CPHXL2: variants seen among roughly 807,000 people sequenced by gnomAD.
The protein encoded by CPHXL2 is cytoplasmic polyadenylated homeobox like 2.
the CPHXL2 span, among the ~76,000 whole-genome samples, chr16:75,665,140 G>T: frequency 6.6e-6 from 1 of 152,090 alleles, no homozygotes; most frequent in African/African-American, 2.4e-5. Context: ...AAGAACATCT[G>T]GGAAATTCAT....
At chr16:75,673,354 T>C in the CPHXL2 span, among the ~76,000 whole-genome samples, 1 of 151,226 alleles carries the variant, frequency 6.6e-6, no homozygotes, top group Non-Finnish European at 1.5e-5. Flanking sequence ...AAGTTTCCTT[T>C]AGCCTGGGAT....
chr16:75,663,547 C>A, the CPHXL2 span, among the ~76,000 whole-genome samples: 5 of 152,136 alleles, frequency 3.3e-5, no homozygotes, highest in African/African-American at 1.2e-4. Flanking sequence ...ACCCTCCTTT[C>A]TTTTGGGATT....
At chr16:75,675,040 T>A in the CPHXL2 span, among the ~76,000 whole-genome samples, 1 of 150,488 alleles carries the variant, frequency 6.6e-6, no homozygotes, top group African/African-American at 2.4e-5. Flanking sequence ...AATACAAAAA[T>A]TAACCAGTCA....
chr16:75,669,287 G>T, the CPHXL2 span: 1 of 393,534 alleles, frequency 2.5e-6, no homozygotes, highest in South Asian at 1.4e-4. Context: ...TTGCACTCCA[G>T]ACTGGGCGAC....
At chr16:75,663,209 G>C in the CPHXL2 span, among the ~76,000 whole-genome samples, 1 of 152,120 alleles carries the variant, frequency 6.6e-6, no homozygotes, top group Admixed American at 6.6e-5. Flanking sequence ...ATTCAGAATT[G>C]CTTTAGGCTA....
At chr16:75,673,357 C>T in the CPHXL2 span, among the ~76,000 whole-genome samples, 1 of 151,856 alleles carries the variant, frequency 6.6e-6, no homozygotes, top group Non-Finnish European at 1.5e-5. Flanking sequence ...TTTCCTTTAG[C>T]CTGGGATTTG....
chr16:75,667,075 G>A, the CPHXL2 span, among the ~76,000 whole-genome samples: 2 of 152,070 alleles, frequency 1.3e-5, no homozygotes, highest in East Asian at 1.9e-4. Flanking sequence ...ACTTTGGGAG[G>A]CTGAGGCGGG....
the CPHXL2 span, chr16:75,660,359 T>C: frequency 5.0e-6 from 2 of 398,556 alleles, no homozygotes; most frequent in Non-Finnish European, 8.8e-6. Flanking sequence ...TTGAAGCCCC[T>C]ACCTGCATAT....
the CPHXL2 span, among the ~76,000 whole-genome samples, chr16:75,665,135 C>T: frequency 1.3e-5 from 2 of 152,134 alleles, no homozygotes; most frequent in African/African-American, 4.8e-5. Flanking sequence ...GCTCAAAGAA[C>T]ATCTGGGAAA....
the CPHXL2 span, among the ~76,000 whole-genome samples, chr16:75,662,733 G>C: frequency 5.1e-4 from 77 of 152,040 alleles, 1 homozygote; most frequent in African/African-American, 1.8e-3. Context: ...CTTTGAGGGA[G>C]GCAGAGATGA....
the CPHXL2 span, chr16:75,661,107 G>A: frequency 2.5e-6 from 1 of 400,820 alleles, no homozygotes; most frequent in South Asian, 1.3e-4. Context: ...CTGCTCTGTG[G>A]CATAGTTGGA....
At chr16:75,676,139 G>A in the CPHXL2 span, among the ~76,000 whole-genome samples, 2 of 151,854 alleles carry the variant, frequency 1.3e-5, no homozygotes, top group South Asian at 2.1e-4. Context: ...TGACCTTCTC[G>A]CTCCATCCAG....
At chr16:75,666,073 TA>T in the CPHXL2 span, among the ~76,000 whole-genome samples, 1 of 151,844 alleles carries the variant, frequency 6.6e-6, no homozygotes, top group South Asian at 2.1e-4. Flanking sequence ...AAACTTAAGG[TA>T]AAGGGGTGAA....
At chr16:75,673,453 CA>C in the CPHXL2 span, among the ~76,000 whole-genome samples, 15,202 of 138,198 alleles carry the variant, frequency 0.11, 2,091 homozygotes, top group East Asian at 0.63. Context: ...AATCCTGTCT[CA>C]AAAAAAAAAA....
the CPHXL2 span, among the ~76,000 whole-genome samples, chr16:75,676,599 G>C: frequency 9.9e-5 from 15 of 152,282 alleles, no homozygotes; most frequent in East Asian, 2.9e-3. Context: ...TGGGATTACA[G>C]GCATGAGCCA....
chr16:75,665,154 A>C, the CPHXL2 span, among the ~76,000 whole-genome samples: 64 of 152,294 alleles, frequency 4.2e-4, no homozygotes, highest in Admixed American at 1.1e-3. Context: ...AATTCATCCC[A>C]AAAAATAATT....
the CPHXL2 span, chr16:75,676,848 C>T: frequency 2.5e-6 from 1 of 397,400 alleles, no homozygotes; most frequent in East Asian, 3.6e-5. Flanking sequence ...CTGTTGTACC[C>T]CCAGTGAATA....
the CPHXL2 span, among the ~76,000 whole-genome samples, chr16:75,663,577 C>G: frequency 6.6e-6 from 1 of 152,080 alleles, no homozygotes; most frequent in African/African-American, 2.4e-5. Flanking sequence ...ACAGTCTCCT[C>G]AAGTATGATA....
the CPHXL2 span, among the ~76,000 whole-genome samples, chr16:75,668,215 A>C: frequency 3.3e-3 from 456 of 136,456 alleles, 2 homozygotes; most frequent in Admixed American, 6.3e-3. Flanking sequence ...CTCTCTCTCT[A>C]TATATATACA....
Sources: allele counts gnomAD v4.1 joint callset (sites outside exome capture counted in the v4.1 genomes callset), GRCh38; gene constraint gnomAD v4.1.1; transcripts MANE v1.5; gene names NCBI Gene and HGNC (gene_info 2026-07-23, HGNC 2026-07-21).